C19orf38: variants seen among roughly 807,000 people sequenced by gnomAD.
C19orf38 encodes protein HIDE1.
In C19orf38, 14 loss-of-function variants were observed where a neutral mutation model predicts 26.6. The observed-to-expected ratio is 0.53, with a 90% CI of 0.35 to 0.82. C19orf38 has a LOEUF of 0.82. C19orf38 is among the 40% of genes least tolerant of loss of function. The probability of loss-of-function intolerance (pLI) is 0.01; values close to 1 mark genes in which losing one functional copy is unlikely to be tolerated. For synonymous variants in C19orf38, 132 were observed against 128.5 expected, an observed-to-expected ratio of 1.03 and a Z score of -0.18; for missense variants, 261 against 299.5, an observed-to-expected ratio of 0.87 and a Z score of 0.95.
Position 10,838,449 on chromosome 19 carries a change from C to G in C19orf38, c.-69+1679C>G, listed in dbSNP as rs547282424. Among the ~76,000 whole-genome samples the G allele has an allele frequency of 2.0e-5, 3 of 152,274 alleles. No homozygotes were observed. The South Asian group carries it at 6.2e-4, about 32-fold the overall frequency. The stretch of plus-strand genomic sequence containing the variant: ...AATAACCATTTTAAAATTAACAATT[C>G]AGTGGCATTTAGTACATTCCAGTGT... On this transcript the variant is annotated intron_variant, in intron 1 of 7. Coordinates refer to the C19orf38 transcript ENST00000592854.
chr19:10,867,515 G>A (rs968867980), intron 6 of C19orf38, among the ~76,000 whole-genome samples: 1 of 150,828 alleles, frequency 6.6e-6, no homozygotes, highest in South Asian at 2.1e-4. Flanking sequence ...CTACTCGGGA[G>A]GCTTAGGCAG....
At chr19:10,855,622 G>A (rs1044401253) in intron 2 of C19orf38, among the ~76,000 whole-genome samples, 18 of 152,188 alleles carry the variant, frequency 1.2e-4, no homozygotes, top group Middle Eastern at 3.4e-3. Context: ...TCCGCCTCCC[G>A]GGTTCAAGTG....
rs1278806826 is a variant in C19orf38, at chr19:10,856,277, T to C, written c.353T>C (p.Ile118Thr). 2.6e-6 allele frequency: 4 copies of C among 1,551,020 alleles called. No homozygotes were observed. The highest frequency in any genetic ancestry group is 1.4e-5 in the African/African-American group (1 of 73,110). Residue 118 changes from isoleucine (I) to threonine (T), a missense_variant, in exon 3 of 7, where the codon ATC becomes ACC. Physicochemically the swap from Ile to Thr is moderately conservative, Grantham distance 89 (BLOSUM62 -1). Transcript: ENST00000397820. Reference sequence around the variant, plus strand: ...GATTTTCCTCCAGTGCCCACTTGGATCTTGGTGCTCTCCCTGAGCCTGGCT... The same window carrying C: ...GATTTTCCTCCAGTGCCCACTTGGACCTTGGTGCTCTCCCTGAGCCTGGCT... ...VNVSFPVPTW[I>T]LVLSLSLAGA...
In C19orf38 at chr19:10,849,162, T is replaced by G. The variant is rs184534715; in HGVS notation, c.31+623T>G. Among the ~76,000 whole-genome samples, 522 of 147,572 alleles carry G rather than the reference T, an allele frequency of 3.5e-3. 2 individuals are homozygous for G. The highest frequency in any genetic ancestry group is 0.012 in the African/African-American group (470 of 39,678). On this transcript the variant is annotated intron_variant, in intron 1 of 6. Transcript: ENST00000397820. ...CCCCCTCCCTCCTGCCATGATGGCC[T>G]CCTTGCTGCTCCTTTTTTAATATTT...
At chr19:10,849,578 T>C (rs2073547992) in intron 1 of C19orf38, among the ~76,000 whole-genome samples, 1 of 152,076 alleles carries the variant, frequency 6.6e-6, no homozygotes, top group Non-Finnish European at 1.5e-5. Flanking sequence ...TGAAACCCCG[T>C]CTCTACTAAA....
At chr19:10,864,943 A>G (rs1746504869) in intron 6 of C19orf38, among the ~76,000 whole-genome samples, 1 of 152,064 alleles carries the variant, frequency 6.6e-6, no homozygotes, top group Non-Finnish European at 1.5e-5. Flanking sequence ...ATAGACTAGG[A>G]GTGCCTGGGA....
intron 6 of C19orf38, 128 bp from the exon 7 acceptor site, chr19:10,869,090 G>T: frequency 8.3e-7 from 1 of 1,201,676 alleles, no homozygotes. Context: ...GGACAGGTGG[G>T]TGTGGGTGGG....
chr19:10,848,912 C>T (rs549544686), intron 1 of C19orf38, among the ~76,000 whole-genome samples: 5 of 151,798 alleles, frequency 3.3e-5, no homozygotes, highest in East Asian at 1.9e-4. Context: ...GGAGGCTGGA[C>T]GAGGGAGGGT....
At chr19:10,860,973 T>C (rs1372630051) in intron 5 of C19orf38, among the ~76,000 whole-genome samples, 1 of 151,452 alleles carries the variant, frequency 6.6e-6, no homozygotes, top group Non-Finnish European at 1.5e-5. Context: ...TGAAACCCTG[T>C]CTCTACTGAA....
intron 1 of C19orf38, among the ~76,000 whole-genome samples, chr19:10,838,585 G>C (rs2073454994): frequency 6.6e-6 from 1 of 152,032 alleles, no homozygotes; most frequent in Non-Finnish European, 1.5e-5. Flanking sequence ...GTAACACCCG[G>C]GGTCGTTGTC....
At chr19:10,839,905 G>A (rs901814136) in intron 1 of C19orf38, among the ~76,000 whole-genome samples, 1 of 151,584 alleles carries the variant, frequency 6.6e-6, no homozygotes, top group Non-Finnish European at 1.5e-5. Context: ...TTTTTCTGTG[G>A]AGACAAGAGG....
upstream of C19orf38, among the ~76,000 whole-genome samples, chr19:10,844,993 C>T (rs865925595): frequency 1.5e-4 from 14 of 95,806 alleles, no homozygotes; most frequent in Admixed American, 1.1e-3. Flanking sequence ...CCTTTCTCTA[C>T]AAAAAAAAAA....
At chr19:10,858,938 T>A (rs140037145) in intron 4 of C19orf38, among the ~76,000 whole-genome samples, 1,243 of 63,492 alleles carry the variant, frequency 0.02, 21 homozygotes, top group African/African-American at 0.054. Context: ...ATATATATGT[T>A]TTTTTTTTTT....
intron 1 of C19orf38, among the ~76,000 whole-genome samples, chr19:10,849,697 T>C (rs532164218): frequency 6.6e-6 from 1 of 150,784 alleles, no homozygotes; most frequent in East Asian, 2.2e-4. Flanking sequence ...TCTAAATAAA[T>C]AAATAAAGTA....
chr19:10,847,307 T>C (rs946043151), upstream of C19orf38, among the ~76,000 whole-genome samples: 1 of 151,984 alleles, frequency 6.6e-6, no homozygotes, highest in Non-Finnish European at 1.5e-5. Context: ...CTTGTGAGCA[T>C]GCACTACCCA....
chr19:10,850,253 T>C lies in C19orf38; in HGVS notation c.32-6T>C. The C allele has an allele frequency of 6.5e-7, 1 of 1,548,602 alleles. No individual in the cohort carries two copies. Reference sequence around the variant, plus strand: ...GCACCCACCCACCTTACCCTCTGCATTGCAGGCTCCTTGGCGATCCCAGCA... The same window carrying C: ...GCACCCACCCACCTTACCCTCTGCACTGCAGGCTCCTTGGCGATCCCAGCA... On this transcript the variant is annotated splice_region_variant and splice_polypyrimidine_tract_variant and intron_variant, in intron 1 of 6. Coordinates refer to ENST00000397820, the MANE Select transcript of C19orf38 (RefSeq NM_001136482.3).
At chr19:10,848,203 T>TA (rs548609491), upstream of C19orf38, among the ~76,000 whole-genome samples, 2 of 149,392 alleles carry the variant, frequency 1.3e-5, no homozygotes, top group South Asian at 2.1e-4. Context: ...AAAATAAAAA[T>TA]AAAAAAAGAG....
chr19:10,849,466 G>T (rs950604821), intron 1 of C19orf38, among the ~76,000 whole-genome samples: 16 of 152,292 alleles, frequency 1.1e-4, no homozygotes, highest in African/African-American at 3.8e-4. Context: ...GCCAAGGTGG[G>T]AGGATCACTT....
At chr19:10,852,749 T>TG (rs1485908489) in intron 2 of C19orf38, among the ~76,000 whole-genome samples, 1 of 151,738 alleles carries the variant, frequency 6.6e-6, no homozygotes, top group East Asian at 1.9e-4. Flanking sequence ...AGGAGGATCG[T>TG]GGGGGGTCTT....
Sources: gnomAD v4.1 joint callset for allele counts (sites outside exome capture counted in the v4.1 genomes callset) on GRCh38, gnomAD v4.1.1 for gene constraint, MANE v1.5 for transcripts, NCBI Gene and HGNC (gene_info 2026-07-23, HGNC 2026-07-21) for gene names.